The following HAP1 variants were observed in gnomAD, a reference collection of about 807,000 sequenced individuals.
HAP1 encodes the protein huntingtin-associated protein 1.
HAP1 carries 59 observed loss-of-function variants against 60.3 expected under a neutral mutation model. That is an observed-to-expected ratio of 0.98 (90% CI 0.79 to 1.22). HAP1 has a LOEUF of 1.22. HAP1 is among the 50% of genes most tolerant of loss of function. The pLI is 0.00. For synonymous variants in HAP1, 346 were observed against 330.6 expected (o/e 1.05, Z -0.50); for missense variants, 825 against 785.3 (o/e 1.05, Z -0.60).
At position 41,734,606 on chromosome 17, in the gene HAP1, C is replaced by A. The variant is rs562563236; in HGVS notation, c.29G>T (p.Cys10Phe). 7.8e-5 allele frequency: 122 copies of A among 1,564,154 alleles called. No homozygotes were observed. The South Asian group carries it at 8.5e-4, about 11-fold the overall frequency. The stretch of plus-strand genomic sequence containing the variant: ...CCCGGGTCCGAGCCGGCTCCCCGCG[C>A]AGCACCGGCCCAACCTCTTCGGGCG... Reference protein sequence around the residue: MRPKRLGRCCAGSRLGPGDP... With the variant: MRPKRLGRCFAGSRLGPGDP... The change falls in exon 1 of 11, where the codon TGC (cysteine) becomes TTC (phenylalanine). Residue 10 changes from cysteine (C) to phenylalanine (F), a missense_variant. Cys to Phe is a radical substitution (Grantham distance 205). Coordinates refer to ENST00000347901, the MANE Select transcript of HAP1 (RefSeq NM_177977.3).
intron 2 of HAP1, 102 bp downstream of exon 2, chr17:41,732,616 TG>T: frequency 8.6e-7 from 1 of 1,163,310 alleles, no homozygotes; most frequent in Non-Finnish European, 1.3e-6. Context: ...GACCCTAACC[TG>T]GGGCCCCAGA....
Position 41,724,570 on chromosome 17 carries a change from C to T in HAP1, c.*131G>A, listed in dbSNP as rs1244333570. The T allele has an allele frequency of 7.2e-6, 5 of 693,938 alleles. No individual in the cohort carries two copies. In the African/African-American group the frequency reaches 9.2e-5, roughly 13 times the overall value. 43.0% of individuals were successfully genotyped at this position (693,938 alleles called of 1,614,324 possible). ...CAAATGCCACATAAATGAGCACTGA[C>T]ACTACGGTTCCCACTGAAGGGGATC... On this transcript the variant is annotated 3_prime_UTR_variant, in exon 11 of 11. Coordinates refer to ENST00000347901, the MANE Select transcript of HAP1 (RefSeq NM_177977.3).
rs1597747023 is a variant in HAP1, at chr17:41,731,618, C to T, written c.1002+20G>A. On this transcript the variant is annotated intron_variant, in intron 5 of 10. Coordinates refer to ENST00000347901, the MANE Select transcript of HAP1 (RefSeq NM_177977.3). ...TCAACACCCCCTGCTAGCAGGGACG[C>T]CCTCCTCCCCCATTCTCACCTCTTC... 1.2e-6 allele frequency: 2 copies of T among 1,601,584 alleles called. No individual in the cohort carries two copies. Among genetic ancestry groups the T allele is most frequent in the East Asian group, 2.2e-5 (1 of 44,828 alleles).
Position 41,734,317 on chromosome 17 carries a change from G to A in HAP1, c.318C>T (p.Arg106=), listed in dbSNP as rs1555592001. Reference sequence around the variant, plus strand: ...AACCAAACGGCCCTTGGAATACGAAGCGGGTCCACGGCGCGTCCGAATTGT... The same window carrying A: ...AACCAAACGGCCCTTGGAATACGAAACGGGTCCACGGCGCGTCCGAATTGT... The part of the protein sequence containing the change: ...MPDNSDAPWT[R]FVFQGPFGSR... The change falls in exon 1 of 11, where the codon CGC becomes CGT. Residue 106 remains arginine, a synonymous_variant. Coordinates refer to ENST00000347901, the MANE Select transcript of HAP1 (RefSeq NM_177977.3). 1 of 1,609,216 alleles carries A rather than the reference G, an allele frequency of 6.2e-7. No individual in the cohort carries two copies. The highest frequency in any genetic ancestry group is 1.1e-5 in the South Asian group (1 of 90,780).
At chr17:41,731,824 T>C in intron 4 of HAP1, 81 bp from the exon 5 acceptor site, 1 of 1,050,652 alleles carries the variant, frequency 9.5e-7, no homozygotes, top group East Asian at 2.4e-5. Context: ...AGGGCAGTGT[T>C]CTCAATTAGT....
chr17:41,731,854 A>G, intron 4 of HAP1, 83 bp downstream of exon 4: 1 of 834,860 alleles, frequency 1.2e-6, no homozygotes, highest in South Asian at 1.5e-5. Flanking sequence ...CCTGCCAGCA[A>G]GCACATCACC....
rs1358900684 is a variant in HAP1, at chr17:41,732,543, C to G, written c.550-149G>C. ...CCCTCATGGAAAAAGAAGATCAGAC[C>G]AGATTGGCTCTGAGAGCTCTTCCAG... On this transcript the variant is annotated intron_variant, in intron 2 of 10. Transcript: ENST00000347901. The G allele has an allele frequency of 4.1e-6, 4 of 982,950 alleles. No homozygotes were observed. The African/African-American group carries it at 6.5e-5, about 16-fold the overall frequency. 60.9% of individuals were successfully genotyped at this position (982,950 alleles called of 1,614,324 possible).
At chr17:41,726,023 A>T (rs1032123354) in intron 9 of HAP1, 126 bp from the exon 10 acceptor site, 1 of 733,550 alleles carries the variant, frequency 1.4e-6, no homozygotes, top group Non-Finnish European at 2.4e-6. Flanking sequence ...TAATCCCAGC[A>T]CTTTGGGAGG....
At chr17:41,726,735 T>C (rs1396596907) in intron 9 of HAP1, among the ~76,000 whole-genome samples, 2 of 151,818 alleles carry the variant, frequency 1.3e-5, no homozygotes, top group Non-Finnish European at 2.9e-5. Context: ...TGATGGCACA[T>C]GCCTGTAATC....
chr17:41,726,820 A>G (rs1335783535), intron 9 of HAP1, among the ~76,000 whole-genome samples: 9 of 151,890 alleles, frequency 5.9e-5, no homozygotes, highest in African/African-American at 2.2e-4. Context: ...CCAAGATCAT[A>G]CCATTGCACT....
downstream of HAP1, among the ~76,000 whole-genome samples, chr17:41,720,139 T>C (rs1911140584): frequency 6.6e-6 from 1 of 152,098 alleles, no homozygotes; most frequent in South Asian, 2.1e-4. Flanking sequence ...TCCACCCACC[T>C]TGGCCTCCCA....
chr17:41,732,766 T>C lies in HAP1; in HGVS notation c.502A>G (p.Lys168Glu). The C allele has an allele frequency of 3.1e-6, 5 of 1,613,172 alleles. No homozygotes were observed. Among genetic ancestry groups the C allele is most frequent in the Non-Finnish European group, 4.2e-6 (5 of 1,179,132 alleles). The change falls in exon 2 of 11, where the codon AAG becomes GAG. Residue 168 changes from lysine to glutamate, a missense_variant. Lys to Glu is a moderately conservative substitution (Grantham distance 56, BLOSUM62 1). Coordinates refer to ENST00000347901, the MANE Select transcript of HAP1 (RefSeq NM_177977.3). ...ACTTTGACGTCTTCCTGGGTGATCT[T>C]TTTGACTGGCGGAGGTAGGTTAGGA... The part of the protein sequence containing the change: ...LCPNLPPPVK[K>E]ITQEDVKVML...
chr17:41,732,100 G>A lies in HAP1; in HGVS notation c.733C>T (p.Gln245Ter), dbSNP rs541927541. The A allele has an allele frequency of 3.1e-6, 5 of 1,613,862 alleles. No homozygotes were observed. The East Asian group carries it at 6.7e-5, about 22-fold the overall frequency. ...AKEEILYLRH[Q>*]VNLRDELLQL... is the part of the protein sequence containing the mutation. ...AGGAGCTCATCCCGCAAGTTCACCT[G>A]GTGTCTGAGGTATAAAATCTGGCAG... The change falls in exon 4 of 11, where the codon CAG (glutamine) becomes TAG (stop). Residue 245 changes from glutamine to a stop codon, truncating the protein, a stop_gained. Transcript: ENST00000347901. LOFTEE classifies it high-confidence loss of function.
chr17:41,726,278 G>A (rs1911617469), intron 9 of HAP1, among the ~76,000 whole-genome samples: 1 of 151,748 alleles, frequency 6.6e-6, no homozygotes, highest in Non-Finnish European at 1.5e-5. Context: ...GCCGGGCGTG[G>A]TGATGGCCAC....
chr17:41,731,998 G>T lies in HAP1; in HGVS notation c.835C>A (p.Gln279Lys). The change falls in exon 4 of 11, where the codon CAG becomes AAG. Residue 279 changes from glutamine to lysine, a missense_variant. By Grantham distance (53) the Gln-to-Lys change is moderately conservative. Coordinates refer to ENST00000347901, the MANE Select transcript of HAP1 (RefSeq NM_177977.3). ...TCTTCCTCTGCTTCTTCTTCTTCCT[G>T]TTCCTCTTCTGCCTCCTTTTCTTCC... is the stretch of plus-strand genomic sequence containing the variant. Reference protein sequence around the residue: ...EEEEKEAEEEQEEEEAEEDLQ... With the variant: ...EEEEKEAEEEKEEEEAEEDLQ... The T allele has an allele frequency of 7.6e-7, 1 of 1,317,452 alleles. No individual in the cohort carries two copies. The allele number at this position is 1,317,452 out of a possible 1,614,324, so 81.6% of individuals were successfully genotyped here. A position where few individuals can be genotyped will look rare whatever the true frequency, so the allele number is the denominator to read the frequency against.
At chr17:41,728,716 G>A (rs1911882392) in intron 6 of HAP1, among the ~76,000 whole-genome samples, 1 of 152,126 alleles carries the variant, frequency 6.6e-6, no homozygotes, top group African/African-American at 2.4e-5. Context: ...ACTAAGCTAA[G>A]ACCACAGGGC....
chr17:41,727,082 C>T lies in HAP1; in HGVS notation c.1338G>A (p.Met446Ile). The T allele has an allele frequency of 1.3e-6, 2 of 1,581,902 alleles. No individual in the cohort carries two copies. The highest frequency in any genetic ancestry group is 1.7e-6 in the Non-Finnish European group (2 of 1,158,074). Residue 446 changes from methionine to isoleucine, a missense_variant, in exon 9 of 11, where the codon ATG becomes ATA. Met to Ile is a conservative substitution (Grantham distance 10). Transcript: ENST00000347901. ...CCATAAAATACACAGGGTCTGAGAT[C>T]ATCCTCCTTAGAGACGTTCTGAGCT... ...AEELRTSLRR[M>I]ISDPVYFMER...
rs1555592188 is a variant in HAP1, at chr17:41,734,498, G to A, written c.137C>T (p.Thr46Ile). Residue 46 changes from threonine to isoleucine, a missense_variant, in exon 1 of 11, where the codon ACT becomes ATT. Physicochemically the swap from Thr to Ile is moderately conservative, Grantham distance 89. Transcript: ENST00000347901. The stretch of plus-strand genomic sequence containing the variant: ...GGCTCGGGATCCTACTCTCTGTCCA[G>A]TGCCCCGTGCCTGCGGCTGCGCAGA... ...EPSAQPQARG[T>I]GQRVGSRATS... 2 of 1,611,874 alleles carry A rather than the reference G, an allele frequency of 1.2e-6. No individual in the cohort carries two copies. The highest frequency in any genetic ancestry group is 1.3e-5 in the African/African-American group (1 of 74,920).
chr17:41,733,038 G>GT (rs10679002), intron 1 of HAP1, among the ~76,000 whole-genome samples: 4,270 of 107,158 alleles, frequency 0.04, 349 homozygotes, highest in African/African-American at 0.14. Flanking sequence ...GTTTTTTTTG[G>GT]TTTTTTTTTT....
Sources: allele counts gnomAD v4.1 joint callset (sites outside exome capture counted in the v4.1 genomes callset), GRCh38; gene constraint gnomAD v4.1.1; transcripts MANE v1.5; gene names NCBI Gene and HGNC (gene_info 2026-07-23, HGNC 2026-07-21).